Variants in PLCZ1 observed in about 807,000 individuals in gnomAD.
PLCZ1 encodes the protein phospholipase C zeta 1.
In PLCZ1, 64 loss-of-function variants were observed where a neutral mutation model predicts 76.8. That is an observed-to-expected ratio of 0.83 (90% CI 0.68 to 1.03). PLCZ1 has a LOEUF of 1.03. Ranked by LOEUF, PLCZ1 falls within the 50% of genes least tolerant of loss-of-function variation. The pLI is 0.00. For synonymous variants in PLCZ1, 248 were observed against 230.8 expected (o/e 1.07, Z -0.68); for missense variants, 751 against 713.7 (o/e 1.05, Z -0.60).
intron 12 of PLCZ1, among the ~76,000 whole-genome samples, chr12:18,688,585 T>C (rs1348614581): frequency 6.6e-6 from 1 of 151,866 alleles, no homozygotes; most frequent in Non-Finnish European, 1.5e-5. Flanking sequence ...GGAAAAAATT[T>C]AAAGCAATAG....
At chr12:18,737,884 G>T (rs1421469224) in intron 1 of PLCZ1, 48 bp downstream of exon 1, 3 of 281,300 alleles carry the variant, frequency 1.1e-5, no homozygotes, top group Non-Finnish European at 2.0e-5. Flanking sequence ...GAAACTTTGG[G>T]CTGCTTCTCT....
At chr12:18,656,662 G>T in the PLCZ1 span, among the ~76,000 whole-genome samples, 123,499 of 152,062 alleles carry the variant, frequency 0.81, 50,305 homozygotes, top group African/African-American at 0.85. Flanking sequence ...CTTGAGGCAG[G>T]AGTTCAAGTT....
chr12:18,690,067 C>T (rs1382422898), intron 12 of PLCZ1, among the ~76,000 whole-genome samples: 1 of 152,130 alleles, frequency 6.6e-6, no homozygotes, highest in African/African-American at 2.4e-5. Context: ...TGCCTTCCAC[C>T]TTCACTTTCT....
At chr12:18,664,762 G>T in the PLCZ1 span, among the ~76,000 whole-genome samples, 1 of 151,432 alleles carries the variant, frequency 6.6e-6, no homozygotes, top group South Asian at 2.1e-4. Context: ...CAATCCAAAT[G>T]TCCAACAATG....
chr12:18,710,977 G>C (rs1455129725), intron 6 of PLCZ1, among the ~76,000 whole-genome samples: 2 of 152,002 alleles, frequency 1.3e-5, no homozygotes, highest in Non-Finnish European at 2.9e-5. Flanking sequence ...TCAGTGTGGC[G>C]ATTCCTCAGG....
At chr12:18,656,543 C>T in the PLCZ1 span, among the ~76,000 whole-genome samples, 2,779 of 151,668 alleles carry the variant, frequency 0.018, 34 homozygotes, top group Middle Eastern at 0.048. Context: ...CCAGCCTGGG[C>T]GACAGAGCGA....
chr12:18,734,933 TTTATAC>T (rs1243128586), intron 3 of PLCZ1, among the ~76,000 whole-genome samples: 1 of 152,196 alleles, frequency 6.6e-6, no homozygotes, highest in African/African-American at 2.4e-5. Context: ...TTAAGTTCCT[TTTATAC>T]TTAATTTACT....
intron 13 of PLCZ1, 52 bp downstream of exon 13, chr12:18,688,037 C>A: frequency 1.3e-6 from 2 of 1,595,850 alleles, no homozygotes; most frequent in Non-Finnish European, 8.5e-7. Context: ...AATTTGTAAG[C>A]TTTCCAACAA....
chr12:18,701,443 G>A, intron 9 of PLCZ1, 58 bp downstream of exon 9: 2 of 1,608,824 alleles, frequency 1.2e-6, no homozygotes, highest in South Asian at 2.2e-5. Flanking sequence ...AAATCTCCAA[G>A]AATAAAATTA....
At chr12:18,731,209 G>C (rs1212544941) in intron 3 of PLCZ1, 3 of 151,838 alleles carry the variant, frequency 2.0e-5, no homozygotes, top group African/African-American at 7.3e-5. Flanking sequence ...GGTATTGATT[G>C]CTTTTCTTCC....
chr12:18,728,021 G>A (rs374533858), intron 3 of PLCZ1, among the ~76,000 whole-genome samples: 43 of 152,072 alleles, frequency 2.8e-4, no homozygotes, highest in African/African-American at 9.9e-4. Flanking sequence ...GAATGGTGCC[G>A]AGATCACCAA....
intron 12 of PLCZ1, among the ~76,000 whole-genome samples, chr12:18,692,135 G>A (rs1158128890): frequency 6.6e-6 from 1 of 152,144 alleles, no homozygotes; most frequent in Non-Finnish European, 1.5e-5. Flanking sequence ...GGGAGCAGAG[G>A]AGCGCTCAGC....
chr12:18,680,750 G>A (rs994113256), downstream of PLCZ1, among the ~76,000 whole-genome samples: 2 of 152,158 alleles, frequency 1.3e-5, no homozygotes, highest in East Asian at 3.9e-4. Flanking sequence ...AAGCCATAGG[G>A]CATCTCAGTA....
At chr12:18,687,837 G>A (rs531371278) in intron 13 of PLCZ1, among the ~76,000 whole-genome samples, 1 of 152,036 alleles carries the variant, frequency 6.6e-6, no homozygotes, top group South Asian at 2.1e-4. Context: ...ATAAAAAAGA[G>A]GTAAATTTTT....
intron 12 of PLCZ1, chr12:18,692,790 G>C (rs11044249): frequency 1.3e-5 from 19 of 1,441,644 alleles, no homozygotes; most frequent in Non-Finnish European, 1.8e-5. Flanking sequence ...TGGTGGTCAT[G>C]GTCCTGGAGG....
chr12:18,656,552 G>A, the PLCZ1 span, among the ~76,000 whole-genome samples: 2 of 151,514 alleles, frequency 1.3e-5, no homozygotes, highest in Admixed American at 6.6e-5. Context: ...GCGACAGAGC[G>A]AGACTCTGTC....
rs886131372 is a variant in PLCZ1, at chr12:18,722,705, C to T, written c.367+606G>A. On this transcript the variant is annotated intron_variant, in intron 4 of 14. Coordinates refer to ENST00000266505, the MANE Select transcript of PLCZ1 (RefSeq NM_033123.4). ...CCATTGAAAGATGGAACAAAGATCA[C>T]AAATTCTATGACAGATCGTTAGCCT... is the stretch of plus-strand genomic sequence containing the variant. Among the ~76,000 whole-genome samples the T allele has an allele frequency of 4.6e-5, 7 of 152,020 alleles. No individual in the cohort carries two copies. The South Asian group carries it at 1.5e-3, about 32-fold the overall frequency.
the PLCZ1 span, among the ~76,000 whole-genome samples, chr12:18,649,039 C>G: frequency 6.6e-6 from 1 of 151,998 alleles, no homozygotes; most frequent in Admixed American, 6.6e-5. Flanking sequence ...GTGATATGAG[C>G]TGATATGGGC....
At chr12:18,647,731 T>C in the PLCZ1 span, 1 of 395,620 alleles carries the variant, frequency 2.5e-6, no homozygotes, top group East Asian at 3.8e-5. Flanking sequence ...GAATAAAAGT[T>C]AGAAATAAAA....
Sources: allele counts gnomAD v4.1 joint callset (sites outside exome capture counted in the v4.1 genomes callset), GRCh38; gene constraint gnomAD v4.1.1; transcripts MANE v1.5; gene names NCBI Gene and HGNC (gene_info 2026-07-23, HGNC 2026-07-21).